The following NRG1 variants were observed in gnomAD, a reference collection of about 807,000 sequenced individuals.
NRG1 encodes the protein pro-neuregulin-1, membrane-bound isoform.
NRG1 carries 18 observed loss-of-function variants against 63.8 expected under a neutral mutation model. The observed-to-expected ratio is 0.28, with a 90% CI of 0.19 to 0.42. NRG1 has a LOEUF of 0.42. NRG1 is among the 10% of genes least tolerant of loss of function. The pLI is 1.00. For missense variants in NRG1, 762 were observed against 814.7 expected (o/e 0.94, Z 0.79); for synonymous variants, 302 against 301.3 (o/e 1.00, Z -0.02).
chr8:32,057,798 A>T (rs1237474550), intron 1 of NRG1, among the ~76,000 whole-genome samples: 2 of 152,118 alleles, frequency 1.3e-5, no homozygotes, highest in African/African-American at 2.4e-5. Flanking sequence ...AGTGAGCAAA[A>T]TATCTTTATG....
chr8:31,932,384 A>G (rs1834941739), intron 1 of NRG1, among the ~76,000 whole-genome samples: 1 of 152,218 alleles, frequency 6.6e-6, no homozygotes, highest in Non-Finnish European at 1.5e-5. Flanking sequence ...ATATTGTCAA[A>G]AAGAGAAGCA....
At chr8:31,709,752 A>G (rs964753241) in intron 1 of NRG1, among the ~76,000 whole-genome samples, 21 of 152,042 alleles carry the variant, frequency 1.4e-4, no homozygotes, top group African/African-American at 5.1e-4. Flanking sequence ...TGAATAAAAT[A>G]GTCTCTTTTG....
At chr8:32,620,679 C>A (rs913963837) in intron 5 of NRG1, among the ~76,000 whole-genome samples, 1 of 151,760 alleles carries the variant, frequency 6.6e-6, no homozygotes, top group Non-Finnish European at 1.5e-5. Context: ...AAGAAATTAG[C>A]CAGGCTTGGT....
chr8:32,089,253 G>T (rs552908415), intron 1 of NRG1, among the ~76,000 whole-genome samples: 10 of 152,180 alleles, frequency 6.6e-5, no homozygotes, highest in Non-Finnish European at 1.5e-4. Context: ...CATCTTGGGT[G>T]TGTGTTTTGC....
At chr8:32,295,940 G>GAAAAAA (rs536209588) in intron 1 of NRG1, among the ~76,000 whole-genome samples, 1 of 128,094 alleles carries the variant, frequency 7.8e-6, no homozygotes, top group Non-Finnish European at 1.6e-5. Flanking sequence ...AGGTCTCAAG[G>GAAAAAA]AAAAAAAAAA....
In NRG1 at chr8:32,691,127, G is replaced by A. The variant is rs190741144; in HGVS notation, c.503-36822G>A. ...GTGTTGACTTAGTGTTATCTTGAAT[G>A]AGGGTGGACAGATCATGAGGTCAGG... is the stretch of plus-strand genomic sequence containing the variant. On this transcript the variant is annotated intron_variant, in intron 5 of 11. Transcript: ENST00000356819. Among the ~76,000 whole-genome samples the A allele has an allele frequency of 9.6e-4, 146 of 152,190 alleles. 1 individual carries two copies. The highest frequency in any genetic ancestry group is 2.7e-3 in the Admixed American group (41 of 15,276).
At chr8:32,708,744 G>A (rs1486881614) in intron 5 of NRG1, among the ~76,000 whole-genome samples, 1 of 152,094 alleles carries the variant, frequency 6.6e-6, no homozygotes, top group Non-Finnish European at 1.5e-5. Flanking sequence ...CTTTCTCTCG[G>A]TTTCTCTCTT....
intron 1 of NRG1, among the ~76,000 whole-genome samples, chr8:32,398,124 A>C (rs989247641): frequency 4.6e-5 from 7 of 152,362 alleles, no homozygotes; most frequent in Middle Eastern, 3.4e-3. Context: ...ACTATTTCAC[A>C]GAATTTCCTT....
intron 6 of NRG1, chr8:32,728,729 T>C (rs1822894165): frequency 1.1e-6 from 1 of 873,622 alleles, no homozygotes; most frequent in Non-Finnish European, 1.4e-6. Flanking sequence ...AGAATAGCAC[T>C]GTCTTTCCAA....
intron 1 of NRG1, among the ~76,000 whole-genome samples, chr8:31,751,901 G>A (rs988117101): frequency 3.9e-5 from 6 of 151,996 alleles, no homozygotes; most frequent in Non-Finnish European, 5.9e-5. Context: ...AAAGACCTGA[G>A]TTTTATGAAT....
At chr8:32,011,193 G>A (rs1032898736) in intron 1 of NRG1, among the ~76,000 whole-genome samples, 2 of 152,028 alleles carry the variant, frequency 1.3e-5, no homozygotes, top group African/African-American at 2.4e-5. Context: ...TGCGTCTCCC[G>A]TAGAGCCCAT....
intron 1 of NRG1, among the ~76,000 whole-genome samples, chr8:31,702,008 CA>C (rs372476709): frequency 6.6e-6 from 1 of 152,162 alleles, no homozygotes; most frequent in African/African-American, 2.4e-5. Flanking sequence ...TAGATGGGCC[CA>C]AAAAGTGTTT....
At chr8:32,396,894 C>T (rs1473903285) in intron 1 of NRG1, among the ~76,000 whole-genome samples, 1 of 152,242 alleles carries the variant, frequency 6.6e-6, no homozygotes, top group African/African-American at 2.4e-5. Context: ...TTAATGTCCA[C>T]ATTTCTACCA....
chr8:32,213,628 TA>T (rs1000236024), intron 1 of NRG1, among the ~76,000 whole-genome samples: 61 of 151,228 alleles, frequency 4.0e-4, no homozygotes, highest in African/African-American at 1.4e-3. Context: ...TAAAAAAATT[TA>T]AAAAAAAAGA....
intron 1 of NRG1, among the ~76,000 whole-genome samples, chr8:31,826,178 T>C (rs1231707987): frequency 1.3e-5 from 2 of 152,104 alleles, no homozygotes; most frequent in Admixed American, 6.5e-5. Flanking sequence ...GGGATGTAAA[T>C]AGGATTTGTA....
chr8:32,280,691 G>GTTTTTTT (rs1174950316), intron 1 of NRG1, among the ~76,000 whole-genome samples: 4 of 57,622 alleles, frequency 6.9e-5, no homozygotes, highest in East Asian at 1.0e-3. Flanking sequence ...TTTTTTTTTT[G>GTTTTTTT]TTTTTTTTTT....
chr8:32,548,993 G>A (rs1436424742), intron 1 of NRG1, among the ~76,000 whole-genome samples, 167 bp downstream of exon 1: 3 of 152,304 alleles, frequency 2.0e-5, no homozygotes, highest in Non-Finnish European at 4.4e-5. Flanking sequence ...CCTGGGGGCC[G>A]CCGCTCACCT....
At chr8:32,756,241 G>A (rs993941636) in intron 8 of NRG1, among the ~76,000 whole-genome samples, 162 bp from the exon 9 acceptor site, 4 of 151,974 alleles carry the variant, frequency 2.6e-5, no homozygotes, top group African/African-American at 9.7e-5. Context: ...AGGATGTGTG[G>A]TTTCACTTAT....
intron 1 of NRG1, among the ~76,000 whole-genome samples, chr8:31,977,868 T>C (rs1808452782): frequency 6.6e-6 from 1 of 152,056 alleles, no homozygotes; most frequent in South Asian, 2.1e-4. Flanking sequence ...ACCAAATTCA[T>C]AAGTCATTTG....
Sources: allele counts gnomAD v4.1 joint callset (sites outside exome capture counted in the v4.1 genomes callset), GRCh38; gene constraint gnomAD v4.1.1; transcripts MANE v1.5; gene names NCBI Gene and HGNC (gene_info 2026-07-23, HGNC 2026-07-21).